The following LAMC3 variants were observed in gnomAD, a reference collection of about 807,000 sequenced individuals.
The protein encoded by LAMC3 is laminin subunit gamma-3.
Under a neutral mutation model 173.8 loss-of-function variants are expected in LAMC3, and 128 were observed. That is an observed-to-expected ratio of 0.74 (90% CI 0.64 to 0.85). LAMC3 has a LOEUF of 0.85. Among genes scored for constraint, LAMC3 ranks in the 40% least tolerant of loss-of-function variants. LAMC3 has a pLI of 0.00. For synonymous variants in LAMC3, 897 were observed against 909.1 expected (o/e 0.99, Z 0.24); for missense variants, 2,022 against 2,156.0 (o/e 0.94, Z 1.23).
intron 20 of LAMC3, 34 bp from the exon 21 acceptor site, chr9:131,075,797 C>T (rs762780519): frequency 1.3e-6 from 2 of 1,597,092 alleles, no homozygotes; most frequent in East Asian, 4.5e-5. Flanking sequence ...CCCTGCGAGC[C>T]CTTGGTAATG....
intron 1 of LAMC3, among the ~76,000 whole-genome samples, chr9:131,013,695 A>G (rs1289219105): frequency 6.6e-6 from 1 of 152,170 alleles, no homozygotes; most frequent in Non-Finnish European, 1.5e-5. Context: ...TGAGACCTGA[A>G]GGATGGTAGG....
rs561589062 is a variant in LAMC3 at position 131,091,979 on chromosome 9, G to A, written c.*192G>A. The A allele has an allele frequency of 1.1e-4, 75 of 676,598 alleles. 1 individual carries two copies. Among genetic ancestry groups the A allele is most frequent in the South Asian group, 6.9e-4 (37 of 53,830 alleles). 41.9% of individuals were successfully genotyped at this position (676,598 alleles called of 1,614,324 possible). ...TCCCTGCCAGCAGGACTGAGTGTGC[G>A]TACCCAGTTCACCTGGACATGAGTG... On this transcript the variant is annotated 3_prime_UTR_variant, in exon 28 of 28. Transcript: ENST00000361069.
At chr9:131,038,080 C>T (rs923953343) in intron 4 of LAMC3, among the ~76,000 whole-genome samples, 5 of 152,244 alleles carry the variant, frequency 3.3e-5, no homozygotes. Context: ...TGGGCTTTCG[C>T]CTCCTGTCTG....
chr9:131,056,698 T>C (rs1210334436), intron 11 of LAMC3, among the ~76,000 whole-genome samples: 1 of 152,026 alleles, frequency 6.6e-6, no homozygotes, highest in Non-Finnish European at 1.5e-5. Flanking sequence ...GAGGGTGACA[T>C]GGTGGGATCA....
chr9:131,049,308 T>C (rs1834238299), intron 9 of LAMC3, among the ~76,000 whole-genome samples, 178 bp downstream of exon 9: 2 of 152,214 alleles, frequency 1.3e-5, no homozygotes, highest in Non-Finnish European at 2.9e-5. Flanking sequence ...GAGTTCCTTC[T>C]GGAGGCCCAT....
intron 1 of LAMC3, among the ~76,000 whole-genome samples, chr9:131,021,798 G>A (rs1443456993): frequency 1.3e-5 from 2 of 152,130 alleles, no homozygotes; most frequent in Non-Finnish European, 2.9e-5. Flanking sequence ...TCAATTCACT[G>A]GAGCAGCTCA....
At chr9:131,019,204 G>A (rs912272394) in intron 1 of LAMC3, among the ~76,000 whole-genome samples, 6 of 152,198 alleles carry the variant, frequency 3.9e-5, no homozygotes, top group Non-Finnish European at 8.8e-5. Flanking sequence ...GGAGGTTGAA[G>A]TGAGCCAAGA....
intron 13 of LAMC3, among the ~76,000 whole-genome samples, chr9:131,065,368 G>T (rs1829912689): frequency 6.6e-6 from 1 of 152,160 alleles, no homozygotes; most frequent in African/African-American, 2.4e-5. Flanking sequence ...CCAGAAAGCA[G>T]GACAGGAGTC....
rs1833780737 is a variant in LAMC3 at position 131,029,074 on chromosome 9, G to A, written c.678+2485G>A. Among the ~76,000 whole-genome samples the A allele has an allele frequency of 6.6e-6, 1 of 152,166 alleles. No homozygotes were observed. Among genetic ancestry groups the A allele is most frequent in the Non-Finnish European group, 1.5e-5 (1 of 68,030 alleles). On this transcript the variant is annotated intron_variant, in intron 2 of 27. Transcript: ENST00000361069. This position sits in a 1 kb window ranked among gnomAD's most constrained non-coding sequence, Gnocchi z 4.6. ...TGAAGCCGATTCTGTGTGGCCCGAG[G>A]CCCCCACCGCAAATCACATCATCCG...
intron 18 of LAMC3, 125 bp from the exon 19 acceptor site, chr9:131,072,505 C>T: frequency 1.3e-6 from 1 of 798,140 alleles, no homozygotes; most frequent in East Asian, 2.7e-5. Context: ...TTTGGGACTA[C>T]CTGTTGGTGC....
intron 22 of LAMC3, among the ~76,000 whole-genome samples, chr9:131,078,782 C>T (rs928993613): frequency 1.3e-5 from 2 of 152,216 alleles, no homozygotes; most frequent in Non-Finnish European, 2.9e-5. Context: ...GGGAAGCATT[C>T]CCACTTTGCA....
chr9:131,049,934 G>A (rs1834248080), intron 9 of LAMC3, among the ~76,000 whole-genome samples: 1 of 152,212 alleles, frequency 6.6e-6, no homozygotes, highest in African/African-American at 2.4e-5. Context: ...CACTGTGGCT[G>A]ATTCAGGACC....
chr9:131,043,935 CTG>C (rs74767540), intron 7 of LAMC3, among the ~76,000 whole-genome samples: 5,080 of 148,916 alleles, frequency 0.034, 127 homozygotes, highest in East Asian at 0.099. Context: ...CTTTTTGAGA[CTG>C]GGCTGCATTT....
At chr9:131,071,945 C>T (rs1830042944) in intron 18 of LAMC3, among the ~76,000 whole-genome samples, 2 of 152,142 alleles carry the variant, frequency 1.3e-5, no homozygotes, top group African/African-American at 4.8e-5. Context: ...TTTGCTCTGC[C>T]ATAGGCCAGC....
chr9:131,089,175 T>C (rs1435859985), intron 27 of LAMC3, among the ~76,000 whole-genome samples: 1 of 91,070 alleles, frequency 1.1e-5, no homozygotes, highest in Non-Finnish European at 2.0e-5. Context: ...GGGCCTGTCA[T>C]CGGGTGGGGG....
At position 131,061,187 on chromosome 9, in the gene LAMC3, G is replaced by A. The variant is rs779371261; in HGVS notation, c.2311G>A (p.Glu771Lys). ...SACTTIPESR[E>K]VVCTHCPPGQ... ...CTGTACGACCATCCCAGAGAGCCGG[G>A]AGGTGGTGTGTACCCACTGCCCCCC... The change falls in exon 13 of 28, where the codon GAG becomes AAG. Residue 771 changes from glutamate to lysine, a missense_variant. Coordinates refer to ENST00000361069, the MANE Select transcript of LAMC3 (RefSeq NM_006059.4). The A allele has an allele frequency of 1.1e-5, 17 of 1,610,212 alleles. No homozygotes were observed. The highest frequency in any genetic ancestry group is 2.2e-5 in the East Asian group (1 of 44,878).
chr9:131,093,632 G>A lies in LAMC3; in HGVS notation c.*1845G>A, dbSNP rs958586229. On this transcript the variant is annotated 3_prime_UTR_variant, in exon 28 of 28. Transcript: ENST00000361069. ...CTCCTGAGGTGGTTTCAGCAGAAAA[G>A]GGGTGTTGGGAGGGTCGCTTGGAAC... 6.6e-6 allele frequency: 1 copy of A among 152,238 alleles called. No homozygotes were observed. Among genetic ancestry groups the A allele is most frequent in the African/African-American group, 2.4e-5 (1 of 41,428 alleles). 9.4% of individuals were successfully genotyped at this position (152,238 alleles called of 1,614,324 possible). A position where few individuals can be genotyped will look rare whatever the true frequency, so the allele number is the denominator to read the frequency against.
At chr9:131,034,939 A>ATTATTTAC (rs1554784661) in intron 3 of LAMC3, among the ~76,000 whole-genome samples, 2 of 150,464 alleles carry the variant, frequency 1.3e-5, no homozygotes, top group African/African-American at 4.9e-5. Flanking sequence ...ACCTGAGATG[A>ATTATTTAC]TTATTTATTT....
chr9:131,070,849 C>T (rs1485475424), intron 17 of LAMC3, among the ~76,000 whole-genome samples: 1 of 152,220 alleles, frequency 6.6e-6, no homozygotes, highest in Non-Finnish European at 1.5e-5. Context: ...ATGAAGACCA[C>T]AAGTAGCCTT....
Sources: allele counts gnomAD v4.1 joint callset (sites outside exome capture counted in the v4.1 genomes callset), GRCh38; gene constraint gnomAD v4.1.1; non-coding constraint Gnocchi (gnomAD v3.1); transcripts MANE v1.5; gene names NCBI Gene and HGNC (gene_info 2026-07-23, HGNC 2026-07-21).